Variants in KIAA1217 observed in about 807,000 individuals in gnomAD.
KIAA1217 encodes KIAA1217, also known as sickle tail protein homolog.
KIAA1217 carries 88 observed loss-of-function variants against 163.9 expected under a neutral mutation model. The observed-to-expected ratio is 0.54, with a 90% CI of 0.45 to 0.64. KIAA1217 has a LOEUF of 0.64. KIAA1217 is among the 30% of genes least tolerant of loss of function. KIAA1217 has a pLI of 0.00. For synonymous variants in KIAA1217, 903 were observed against 923.1 expected, an observed-to-expected ratio of 0.98 and a Z score of 0.39; for missense variants, 2,372 against 2,475.0, an observed-to-expected ratio of 0.96 and a Z score of 0.88.
chr10:23,699,184 G>T (rs539471612), intron 1 of KIAA1217, among the ~76,000 whole-genome samples: 1 of 152,336 alleles, frequency 6.6e-6, no homozygotes, highest in Non-Finnish European at 1.5e-5. Flanking sequence ...CAAAGGACTT[G>T]GTTGGGGTCC....
At chr10:24,500,604 C>A (rs1440611439) in intron 8 of KIAA1217, among the ~76,000 whole-genome samples, 1 of 152,112 alleles carries the variant, frequency 6.6e-6, no homozygotes, top group Non-Finnish European at 1.5e-5. Flanking sequence ...CAGGACAGTA[C>A]CCAGTTCTTA....
chr10:24,305,337 T>C (rs1351538314), intron 2 of KIAA1217, among the ~76,000 whole-genome samples: 1 of 152,092 alleles, frequency 6.6e-6, no homozygotes, highest in Non-Finnish European at 1.5e-5. Context: ...TAAAGAACCA[T>C]CTTAAAAGAC....
chr10:24,444,920 T>A (rs1431562522), intron 5 of KIAA1217, among the ~76,000 whole-genome samples: 2 of 152,172 alleles, frequency 1.3e-5, no homozygotes, highest in African/African-American at 4.8e-5. Context: ...ACTTTCATCT[T>A]CCTTTGGTTG....
intron 2 of KIAA1217, among the ~76,000 whole-genome samples, chr10:24,116,901 A>G (rs2063075907): frequency 6.6e-6 from 1 of 152,140 alleles, no homozygotes; most frequent in Non-Finnish European, 1.5e-5. Flanking sequence ...TATGAAAGAT[A>G]GTTAGGGAGT....
In KIAA1217 at chr10:24,145,193, G is replaced by A. The variant is rs181479226; in HGVS notation, c.-170-74433G>A. Among the ~76,000 whole-genome samples the A allele has an allele frequency of 7.9e-5, 12 of 152,290 alleles. No individual in the cohort carries two copies. The East Asian group carries it at 2.3e-3, about 29-fold the overall frequency. On this transcript the variant is annotated intron_variant, in intron 2 of 18. Transcript: ENST00000376462. ...TGTGGTTCATACTTGTTATTCCTCT[G>A]ACCCATTTCCCGCGGTCACACAAAC...
intron 3 of KIAA1217, among the ~76,000 whole-genome samples, chr10:24,406,111 G>A (rs1293609519): frequency 2.0e-5 from 3 of 152,160 alleles, no homozygotes. Context: ...AACAGTCATT[G>A]TGAAGCCATG....
chr10:23,750,663 C>T (rs1839687202), intron 1 of KIAA1217, among the ~76,000 whole-genome samples: 1 of 152,162 alleles, frequency 6.6e-6, no homozygotes, highest in Non-Finnish European at 1.5e-5. Context: ...GTTAACTCCC[C>T]AGTGCCCAGG....
intron 2 of KIAA1217, among the ~76,000 whole-genome samples, chr10:24,271,752 T>TAA (rs111874088): frequency 1.4e-5 from 2 of 143,046 alleles, no homozygotes; most frequent in South Asian, 4.5e-4. Context: ...GACCCTGTCT[T>TAA]AAAAAAAAAA....
Position 24,544,298 on chromosome 10 carries a change from C to G in KIAA1217, c.5028C>G (p.Leu1676=). The stretch of plus-strand genomic sequence containing the variant: ...GCCTGGAGCAGACCATTAAACAGCT[C>G]GAAAATACAATCAGTGAAATGAGTC... ...LDSLEQTIKQ[L]ENTISEMSPK... Residue 1676 remains leucine (L), a synonymous_variant, in exon 19 of 21, where the codon CTC becomes CTG. Coordinates refer to ENST00000376454, the MANE Select transcript of KIAA1217 (RefSeq NM_019590.5). The G allele has an allele frequency of 6.2e-7, 1 of 1,614,032 alleles. No individual in the cohort carries two copies. The highest frequency in any genetic ancestry group is 8.5e-7 in the Non-Finnish European group (1 of 1,179,994).
At chr10:24,321,320 C>A (rs1012225636) in intron 2 of KIAA1217, among the ~76,000 whole-genome samples, 1 of 152,014 alleles carries the variant, frequency 6.6e-6, no homozygotes, top group Non-Finnish European at 1.5e-5. Context: ...TAATGGATCA[C>A]GTGAGGTCAA....
rs150257022 is a variant in KIAA1217, at chr10:23,765,802, G to C, written c.-321+70568G>C. Among the ~76,000 whole-genome samples the C allele has an allele frequency of 7.6e-3, 1,150 of 152,276 alleles. 8 individuals are homozygous for C. Among genetic ancestry groups the C allele is most frequent in the African/African-American group, 0.025 (1,057 of 41,548 alleles). ...GAGGCTTCCCCAGCCATGTAGAACT[G>C]TGAGTCTGTTCGATCTCTTTTCTTT... On this transcript the variant is annotated intron_variant, in intron 1 of 18. Transcript: ENST00000376462.
At chr10:23,824,645 A>AT (rs1564453769) in intron 1 of KIAA1217, among the ~76,000 whole-genome samples, 30 of 95,812 alleles carry the variant, frequency 3.1e-4, no homozygotes, top group African/African-American at 1.4e-3. Context: ...AAAAAAAAAA[A>AT]AAAAATAAAA....
chr10:24,495,258 G>GT (rs1227372024), intron 8 of KIAA1217, 62 bp downstream of exon 8: 1 of 1,360,472 alleles, frequency 7.4e-7, no homozygotes, highest in Non-Finnish European at 1.0e-6. Flanking sequence ...GCCCTGGCTG[G>GT]TCTCAGAAAT....
intron 3 of KIAA1217, among the ~76,000 whole-genome samples, chr10:24,428,334 C>T (rs2059336050): frequency 6.6e-6 from 1 of 152,196 alleles, no homozygotes; most frequent in Non-Finnish European, 1.5e-5. Context: ...ATCAGACAGG[C>T]TTAAAAGGTA....
intron 2 of KIAA1217, among the ~76,000 whole-genome samples, chr10:24,335,576 T>G (rs2046242962): frequency 1.4e-5 from 2 of 143,870 alleles, no homozygotes; most frequent in African/African-American, 5.3e-5. Flanking sequence ...TTATTTAATT[T>G]TATCTTATTT....
At chr10:23,973,292 G>A (rs1251254976) in intron 1 of KIAA1217, among the ~76,000 whole-genome samples, 1 of 152,144 alleles carries the variant, frequency 6.6e-6, no homozygotes. Flanking sequence ...CGTTATAATC[G>A]TAGCTACCAT....
At chr10:24,360,016 CTG>C (rs1444601387) in intron 2 of KIAA1217, among the ~76,000 whole-genome samples, 2 of 141,560 alleles carry the variant, frequency 1.4e-5, no homozygotes, top group Non-Finnish European at 1.5e-5. Context: ...TACTGACAGA[CTG>C]TGTATCTTTA....
chr10:24,051,673 C>T (rs1307632748), intron 2 of KIAA1217, among the ~76,000 whole-genome samples: 1 of 152,100 alleles, frequency 6.6e-6, no homozygotes, highest in Non-Finnish European at 1.5e-5. Context: ...GGTGGTTTCT[C>T]ATTGTGGTTT....
chr10:24,543,413 C>A lies in KIAA1217; in HGVS notation c.4143C>A (p.Asp1381Glu), dbSNP rs1206283706. ...SSPTEENAAT[D>E]NIAFMITETT... ...CCACTGAAGAAAATGCAGCCACTGA[C>A]AATATTGCCTTCATGATTACCGAAA... is the stretch of plus-strand genomic sequence containing the variant. The change falls in exon 19 of 21, where the codon GAC (aspartate) becomes GAA (glutamate). Residue 1381 changes from aspartate to glutamate, a missense_variant. Coordinates refer to ENST00000376454, the MANE Select transcript of KIAA1217 (RefSeq NM_019590.5). The A allele has an allele frequency of 6.2e-7, 1 of 1,614,110 alleles. No individual in the cohort carries two copies. The highest frequency in any genetic ancestry group is 1.7e-5 in the Admixed American group (1 of 60,006).
Sources: allele counts gnomAD v4.1 joint callset (sites outside exome capture counted in the v4.1 genomes callset), GRCh38; gene constraint gnomAD v4.1.1; transcripts MANE v1.5; gene names NCBI Gene and HGNC (gene_info 2026-07-23, HGNC 2026-07-21).